The following DLG3 variants were observed in gnomAD, a reference collection of about 807,000 sequenced individuals.
DLG3 encodes discs large MAGUK scaffold protein 3, also known as disks large homolog 3.
A neutral mutation model predicts 64.1 loss-of-function variants in DLG3; 1 was observed. The observed-to-expected ratio is 0.02, with a 90% CI of 0.01 to 0.07. The LOEUF (loss-of-function observed/expected upper bound fraction) is 0.07. DLG3 is among the 10% of genes least tolerant of loss of function. The pLI, the probability that DLG3 is intolerant of heterozygous loss-of-function variation, is 1.00. For missense variants in DLG3, 429 were observed against 669.5 expected (o/e 0.64, Z 3.96); for synonymous variants, 245 against 259.8 (o/e 0.94, Z 0.55).
Position 70,502,199 on chromosome X carries a change from A to G in DLG3, c.2384A>G (p.Asn795Ser). Residue 795 changes from asparagine to serine, a missense_variant, in exon 19 of 19, where the codon AAC becomes AGC. Transcript: ENST00000374360. ...GGTGACTCACTGGAAGAGATTTATA[A>G]CAAAATCAAACAAATCATTGAGGAC... ...VQGDSLEEIY[N>S]KIKQIIEDQS... 1 of 1,209,481 alleles carries G rather than the reference A, an allele frequency of 8.3e-7. No homozygotes were observed. The highest frequency in any genetic ancestry group is 1.1e-6 in the Non-Finnish European group (1 of 894,249).
At position 70,499,342 on chromosome X, in the gene DLG3, T is replaced by G. The variant is rs187137490; in HGVS notation, c.1972+65T>G. On this transcript the variant is annotated intron_variant, in intron 15 of 18. Coordinates refer to ENST00000374360, the MANE Select transcript of DLG3 (RefSeq NM_021120.4). ...CCCTGGGAATTGTTGCTCTAATGTT[T>G]TATGGAAAAGGTCTGGGATCAGATT... 3.5e-3 allele frequency: 3,020 copies of G among 865,748 alleles called. 5 individuals are homozygous for G. The highest frequency in any genetic ancestry group is 4.6e-3 in the Non-Finnish European group (2,688 of 587,739). The allele number at this position is 865,748 out of a possible 1,213,427, so 71.3% of individuals were successfully genotyped here. A position where few individuals can be genotyped will look rare whatever the true frequency, so the allele number is the denominator to read the frequency against.
At chrX:70,491,313 C>T (rs767817929) in intron 10 of DLG3, among the ~76,000 whole-genome samples, 1 of 112,052 alleles carries the variant, frequency 8.9e-6, no homozygotes, top group Admixed American at 9.5e-5. Flanking sequence ...CCTTTATTTC[C>T]AATACCATTT....
intron 10 of DLG3, among the ~76,000 whole-genome samples, chrX:70,486,552 G>A (rs924729000): frequency 2.5e-4 from 28 of 111,983 alleles, no homozygotes; most frequent in African/African-American, 7.1e-4. Flanking sequence ...GCATGCATGT[G>A]CGCATGTGCA....
In DLG3 at chrX:70,444,977, G is replaced by C. The variant is rs1307665677; in HGVS notation, c.-225G>C. 1 of 239,518 alleles carries C rather than the reference G, an allele frequency of 4.2e-6. No individual in the cohort carries two copies. The highest frequency in any genetic ancestry group is 2.9e-5 in the African/African-American group (1 of 34,259). 19.7% of individuals were successfully genotyped at this position (239,518 alleles called of 1,213,427 possible). On this transcript the variant is annotated 5_prime_UTR_variant, in exon 1 of 19. Coordinates refer to ENST00000374360, the MANE Select transcript of DLG3 (RefSeq NM_021120.4). ...CGACACGGAGCCGCCAGTGCTGGAG[G>C]GGGAGCCGTGGGTGCGGGGCAGCGT...
intron 1 of DLG3, chrX:70,448,621 G>A (rs1254376373): frequency 8.6e-7 from 1 of 1,165,242 alleles, no homozygotes; most frequent in Admixed American, 2.6e-5. Flanking sequence ...AGACACTGAA[G>A]CACAGCCTCT....
At position 70,492,301 on chromosome X, in the gene DLG3, T is replaced by A; in HGVS notation, c.1697+18T>A. On this transcript the variant is annotated intron_variant, in intron 11 of 18. Transcript: ENST00000374360. ...AAGAAGAGGTGAGTCGTCATGATCA[T>A]GAGCAAGGCCTTTCCTGCCCTCTTG... is the stretch of plus-strand genomic sequence containing the variant. The A allele has an allele frequency of 8.3e-7, 1 of 1,210,139 alleles. No homozygotes were observed. Among genetic ancestry groups the A allele is most frequent in the Admixed American group, 2.2e-5 (1 of 46,052 alleles).
intron 1 of DLG3, among the ~76,000 whole-genome samples, chrX:70,446,254 T>G (rs1375711447): frequency 9.2e-6 from 1 of 109,237 alleles, no homozygotes; most frequent in Non-Finnish European, 1.9e-5. Flanking sequence ...GTGTGCCTGG[T>G]GTGTGTGTGT....
chrX:70,479,214 CTCTGGG>C lies in DLG3; in HGVS notation c.1479_1484del (p.Gly494_Ser495del), dbSNP rs1219897627. On this transcript the variant is annotated inframe_deletion, in exon 10 of 19. Coordinates refer to ENST00000374360, the MANE Select transcript of DLG3 (RefSeq NM_021120.4). ...AACAAATGATGAACAGCAGCATGAG[CTCTGGG>C]TCTGGGTCCCTCCGAACAAGTGAAA... is the stretch of plus-strand genomic sequence containing the variant. 3 of 1,211,640 alleles carry C rather than the reference CTCTGGG, an allele frequency of 2.5e-6. No homozygotes were observed. Among genetic ancestry groups the C allele is most frequent in the Non-Finnish European group, 3.4e-6 (3 of 895,288 alleles).
chrX:70,450,493 C>G, intron 5 of DLG3, 146 bp from the exon 6 acceptor site: 2 of 919,108 alleles, frequency 2.2e-6, no homozygotes, highest in Non-Finnish European at 3.1e-6. Context: ...TTGCCCTATC[C>G]CCTACCTCCT....
At chrX:70,486,371 A>G (rs148584455) in intron 10 of DLG3, among the ~76,000 whole-genome samples, 140 of 111,806 alleles carry the variant, frequency 1.3e-3, no homozygotes, top group African/African-American at 4.3e-3. Context: ...ATTTCCATGA[A>G]TTTTATTCTC....
intron 12 of DLG3, among the ~76,000 whole-genome samples, chrX:70,494,730 G>A (rs1050721256): frequency 1.8e-5 from 2 of 112,301 alleles, no homozygotes; most frequent in African/African-American, 3.2e-5. Flanking sequence ...CCTGGTGGGC[G>A]AGGGGGTATC....
chrX:70,472,595 A>G (rs1293287417), intron 9 of DLG3, among the ~76,000 whole-genome samples: 1 of 111,328 alleles, frequency 9.0e-6, no homozygotes, highest in East Asian at 2.8e-4. Flanking sequence ...AGAGCTTCCC[A>G]GTATTGGACA....
intron 13 of DLG3, chrX:70,497,059 T>C: frequency 5.7e-6 from 4 of 699,207 alleles, no homozygotes; most frequent in Non-Finnish European, 9.1e-6. Flanking sequence ...GTGGCAGGCC[T>C]CTGGTGGCCT....
intron 9 of DLG3, among the ~76,000 whole-genome samples, 199 bp from the exon 10 acceptor site, chrX:70,478,951 G>C (rs767378811): frequency 9.0e-6 from 1 of 111,731 alleles, no homozygotes; most frequent in Non-Finnish European, 1.9e-5. Flanking sequence ...CTTTCCTTCT[G>C]TTAGTCTGGG....
chrX:70,448,811 G>T, intron 1 of DLG3, 102 bp from the exon 2 acceptor site: 2 of 1,064,502 alleles, frequency 1.9e-6, no homozygotes, highest in Non-Finnish European at 2.6e-6. Context: ...GTGCACTTGG[G>T]CTCTTCTACT....
At chrX:70,500,758 C>T in intron 17 of DLG3, 140 bp from the exon 18 acceptor site, 1 of 710,152 alleles carries the variant, frequency 1.4e-6, no homozygotes, top group Non-Finnish European at 2.2e-6. Flanking sequence ...CTTTTGAACG[C>T]AGGTTTGAGG....
At chrX:70,462,366 C>T (rs2086821603) in intron 9 of DLG3, among the ~76,000 whole-genome samples, 1 of 104,323 alleles carries the variant, frequency 9.6e-6, no homozygotes, top group Non-Finnish European at 1.9e-5. Flanking sequence ...TCTCCTGCCT[C>T]AGCCTCCTGA....
intron 9 of DLG3, among the ~76,000 whole-genome samples, chrX:70,463,024 T>A (rs753361087): frequency 3.9e-4 from 44 of 112,274 alleles, no homozygotes; most frequent in Non-Finnish European, 6.8e-4. Flanking sequence ...TGCTTTCTCG[T>A]CTTTGTTAGA....
At chrX:70,480,184 A>G (rs1038396240) in intron 10 of DLG3, among the ~76,000 whole-genome samples, 1 of 112,114 alleles carries the variant, frequency 8.9e-6, no homozygotes, top group African/African-American at 3.2e-5. Context: ...GTGGGGTCAT[A>G]TCAAACTCTT....
Sources: allele counts gnomAD v4.1 joint callset (sites outside exome capture counted in the v4.1 genomes callset), GRCh38; gene constraint gnomAD v4.1.1; transcripts MANE v1.5; gene names NCBI Gene and HGNC (gene_info 2026-07-23, HGNC 2026-07-21).